Variants in C10orf88 observed in about 807,000 individuals in gnomAD.
The protein encoded by C10orf88 is ATPase PAAT.
Under a neutral mutation model 34.2 loss-of-function variants are expected in C10orf88, and 29 were observed. That is an observed-to-expected ratio of 0.85 (90% CI 0.63 to 1.16). The LOEUF (loss-of-function observed/expected upper bound fraction) is 1.16. C10orf88 is among the 50% of genes most tolerant of loss of function. The pLI, the probability that C10orf88 is intolerant of heterozygous loss-of-function variation, is 0.00. For missense variants in C10orf88, 507 were observed against 533.2 expected (o/e 0.95, Z 0.48); for synonymous variants, 194 against 197.4 (o/e 0.98, Z 0.15).
At chr10:122,953,367 G>A (rs982510050) in intron 1 of C10orf88, among the ~76,000 whole-genome samples, 5 of 152,122 alleles carry the variant, frequency 3.3e-5, no homozygotes, top group African/African-American at 4.8e-5. Context: ...GTGAGCCACC[G>A]TGCCCGGCCG....
At position 122,953,009 on chromosome 10, in the gene C10orf88, C is replaced by G; in HGVS notation, c.188G>C (p.Arg63Thr). 6.2e-7 allele frequency: 1 copy of G among 1,614,018 alleles called. No homozygotes were observed. The change falls in exon 2 of 6, where the codon AGA becomes ACA. Residue 63 changes from arginine (R) to threonine (T), a missense_variant. By Grantham distance (71) the Arg-to-Thr change is moderately conservative. Transcript: ENST00000481909. ...APGQDLVILK[R>T]NHNNKDENPC... ...GTTTTCATCTTTGTTGTTGTGGTTT[C>G]TCTTCAAAATCACCAGATCCTGACT...
chr10:122,953,903 C>T, intron 1 of C10orf88, 112 bp downstream of exon 1: 1 of 942,488 alleles, frequency 1.1e-6, no homozygotes, highest in Non-Finnish European at 1.3e-6. Context: ...AGACCTGGTA[C>T]CAACTGCTCT....
intron 4 of C10orf88, among the ~76,000 whole-genome samples, chr10:122,944,042 T>C (rs1848612393): frequency 1.3e-5 from 2 of 152,006 alleles, no homozygotes; most frequent in African/African-American, 4.8e-5. Flanking sequence ...CCCAAAGGAT[T>C]ATAAATCATG....
intron 4 of C10orf88, among the ~76,000 whole-genome samples, chr10:122,944,445 C>CA (rs796924742): frequency 5.3e-5 from 8 of 151,826 alleles, no homozygotes; most frequent in African/African-American, 1.9e-4. Context: ...TTAGTGGGTG[C>CA]AGCGCACCAG....
rs1052317974 is a variant in C10orf88 at position 122,931,560 on chromosome 10, C to A, written c.*867G>T. ...TATGCAAATATATCACCCTTCAATG[C>A]ATATACAATAGTTATAAGGTCTGAA... On this transcript the variant is annotated 3_prime_UTR_variant, in exon 6 of 6. Coordinates refer to ENST00000481909, the MANE Select transcript of C10orf88 (RefSeq NM_024942.4). 7.2e-5 allele frequency: 11 copies of A among 152,140 alleles called. No individual in the cohort carries two copies. Among genetic ancestry groups the A allele is most frequent in the Non-Finnish European group, 1.6e-4 (11 of 68,018 alleles). 9.4% of individuals were successfully genotyped at this position (152,140 alleles called of 1,614,324 possible).
chr10:122,946,712 A>C (rs1589697068), intron 4 of C10orf88, among the ~76,000 whole-genome samples: 2 of 152,174 alleles, frequency 1.3e-5, no homozygotes, highest in East Asian at 3.9e-4. Flanking sequence ...TTGGAGGTAC[A>C]TGCTACTTTA....
rs1436431672 is a variant in C10orf88, at chr10:122,931,565, A to G, written c.*862T>C. ...AAATATATCACCCTTCAATGCATAT[A>G]CAATAGTTATAAGGTCTGAAAACTA... On this transcript the variant is annotated 3_prime_UTR_variant, in exon 6 of 6. Coordinates refer to ENST00000481909, the MANE Select transcript of C10orf88 (RefSeq NM_024942.4). 2 of 152,256 alleles carry G rather than the reference A, an allele frequency of 1.3e-5. No homozygotes were observed. Among genetic ancestry groups the G allele is most frequent in the East Asian group, 1.9e-4 (1 of 5,202 alleles). 9.4% of individuals were successfully genotyped at this position (152,256 alleles called of 1,614,324 possible). A position where few individuals can be genotyped will look rare whatever the true frequency, so the allele number is the denominator to read the frequency against.
intron 3 of C10orf88, among the ~76,000 whole-genome samples, chr10:122,950,494 T>C (rs982947265): frequency 6.6e-6 from 1 of 152,198 alleles, no homozygotes; most frequent in African/African-American, 2.4e-5. Context: ...AGACTCATGA[T>C]CCAAGAACTC....
intron 4 of C10orf88, among the ~76,000 whole-genome samples, chr10:122,938,606 A>T (rs979111360): frequency 3.9e-5 from 6 of 152,042 alleles, no homozygotes; most frequent in African/African-American, 1.4e-4. Context: ...AAAATACGGT[A>T]AGTTACTCAC....
chr10:122,937,740 G>A lies in C10orf88; in HGVS notation c.1068C>T (p.Asn356=). The A allele has an allele frequency of 1.2e-6, 2 of 1,611,482 alleles. No homozygotes were observed. The highest frequency in any genetic ancestry group is 8.5e-7 in the Non-Finnish European group (1 of 1,178,560). The part of the protein sequence containing the change: ...HVGNKTECQE[N]ITKHGERILG... The stretch of plus-strand genomic sequence containing the variant: ...GAATGCGTTCACCATGCTTGGTGAT[G>A]TTTTCCTGACACTCGGTCTTATTTC... Residue 356 remains asparagine (N), a synonymous_variant, in exon 5 of 6, where the codon AAC becomes AAT. Transcript: ENST00000481909.
intron 4 of C10orf88, among the ~76,000 whole-genome samples, chr10:122,945,243 G>T (rs1848628843): frequency 6.6e-6 from 1 of 151,964 alleles, no homozygotes; most frequent in South Asian, 2.1e-4. Flanking sequence ...ACATGTTTGT[G>T]GCAATGTTGG....
At chr10:122,939,466 T>C (rs1410584867) in intron 4 of C10orf88, among the ~76,000 whole-genome samples, 1 of 151,846 alleles carries the variant, frequency 6.6e-6, no homozygotes, top group Non-Finnish European at 1.5e-5. Context: ...CCAGGGAAGC[T>C]GGGGGAAGAT....
At chr10:122,948,954 G>T in intron 3 of C10orf88, 99 bp from the exon 4 acceptor site, 2 of 1,060,008 alleles carry the variant, frequency 1.9e-6, no homozygotes, top group South Asian at 1.7e-5. Context: ...AAGTATTCAA[G>T]AATCTAAAAA....
At position 122,932,421 on chromosome 10, in the gene C10orf88, G is replaced by A. The variant is rs1281202550; in HGVS notation, c.*6C>T. 1.1e-5 allele frequency: 17 copies of A among 1,599,774 alleles called. 1 individual carries two copies. The highest frequency in any genetic ancestry group is 5.5e-5 in the South Asian group (5 of 90,480). ...ATATCTGCAGTACACTGTTTATGTT[G>A]AGAGCTTATCTTTCTCCATTTGAAA... On this transcript the variant is annotated 3_prime_UTR_variant, in exon 6 of 6. Transcript: ENST00000481909.
chr10:122,949,264 T>C (rs1848668243), intron 3 of C10orf88, among the ~76,000 whole-genome samples: 1 of 152,166 alleles, frequency 6.6e-6, no homozygotes, highest in Non-Finnish European at 1.5e-5. Context: ...TATGATAAAG[T>C]TTAATTTATA....
At position 122,952,815 on chromosome 10, in the gene C10orf88, T is replaced by C. The variant is rs776248264; in HGVS notation, c.368+14A>G. The C allele has an allele frequency of 1.2e-6, 2 of 1,613,712 alleles. No individual in the cohort carries two copies. Among genetic ancestry groups the C allele is most frequent in the South Asian group, 2.2e-5 (2 of 91,018 alleles). On this transcript the variant is annotated intron_variant, in intron 2 of 5. Transcript: ENST00000481909. ...TACTTCAGAAGAACACTTTCCCGTGTACAAGTCACACACCTGTCATCCAGG... is the reference window on the plus strand; with the variant it reads ...TACTTCAGAAGAACACTTTCCCGTGCACAAGTCACACACCTGTCATCCAGG...
At chr10:122,942,583 T>A (rs1457961841) in intron 4 of C10orf88, among the ~76,000 whole-genome samples, 2 of 150,106 alleles carry the variant, frequency 1.3e-5, no homozygotes, top group African/African-American at 2.4e-5. Context: ...GAAGTCAAAT[T>A]GTCCCTGTTT....
rs945602693 is a variant in C10orf88, at chr10:122,930,978, T to A, written c.*1449A>T. 1 of 152,176 alleles carries A rather than the reference T, an allele frequency of 6.6e-6. No homozygotes were observed. Among genetic ancestry groups the A allele is most frequent in the Non-Finnish European group, 1.5e-5 (1 of 68,036 alleles). 9.4% of individuals were successfully genotyped at this position (152,176 alleles called of 1,614,324 possible). On this transcript the variant is annotated 3_prime_UTR_variant, in exon 6 of 6. Transcript: ENST00000481909. ...GGAGTATGGCTCACAAATCAACTTT[T>A]CAACTAATGAGGAGTGAGGGGGTTA...
At chr10:122,944,716 T>C (rs984058574) in intron 4 of C10orf88, among the ~76,000 whole-genome samples, 2 of 151,930 alleles carry the variant, frequency 1.3e-5, no homozygotes, top group Non-Finnish European at 2.9e-5. Flanking sequence ...CTTGAAAAAA[T>C]ACACTGCCCT....
Sources: allele counts gnomAD v4.1 joint callset (sites outside exome capture counted in the v4.1 genomes callset), GRCh38; gene constraint gnomAD v4.1.1; transcripts MANE v1.5; gene names NCBI Gene and HGNC (gene_info 2026-07-23, HGNC 2026-07-21).